TBC1D31: variants seen among roughly 807,000 people sequenced by gnomAD.
TBC1D31 encodes the protein WD repeat domain 67.
TBC1D31 carries 99 observed loss-of-function variants against 132.9 expected under a neutral mutation model. The observed-to-expected ratio is 0.74, with a 90% confidence interval of 0.63 to 0.88. The LOEUF (loss-of-function observed/expected upper bound fraction) is 0.88. Among genes scored for constraint, TBC1D31 ranks in the 40% least tolerant of loss-of-function variants. TBC1D31 has a pLI of 0.00. For missense variants in TBC1D31, 1,134 were observed against 1,256.6 expected (o/e 0.90, Z 1.48); for synonymous variants, 385 against 419.4 (o/e 0.92, Z 1.00).
chr8:123,142,066 G>A (rs887288467), intron 18 of TBC1D31, among the ~76,000 whole-genome samples, 196 bp from the exon 19 acceptor site: 5 of 151,944 alleles, frequency 3.3e-5, no homozygotes, highest in South Asian at 2.1e-4. Flanking sequence ...CTGGTACCCC[G>A]CTGTCCAGTG....
intron 17 of TBC1D31, 114 bp downstream of exon 17, chr8:123,134,320 TA>T (rs1820888792): frequency 2.6e-6 from 2 of 773,890 alleles, no homozygotes; most frequent in African/African-American, 3.5e-5. Flanking sequence ...TCACTTGAGC[TA>T]AGGAATTCCA....
At chr8:123,122,629 C>A (rs905567992) in intron 11 of TBC1D31, among the ~76,000 whole-genome samples, 12 of 152,112 alleles carry the variant, frequency 7.9e-5, no homozygotes, top group Non-Finnish European at 1.0e-4. Context: ...TGAATGGGAT[C>A]ATTGTATAAC....
rs774997949 is a variant in TBC1D31, at chr8:123,129,221, A to G, written c.2270+3A>G. 9.7e-6 allele frequency: 15 copies of G among 1,540,040 alleles called. No individual in the cohort carries two copies. The highest frequency in any genetic ancestry group is 2.3e-5 in the East Asian group (1 of 43,484). On this transcript the variant is annotated splice_donor_region_variant and intron_variant, in intron 15 of 21. Transcript: ENST00000287380. ...AAAATGATACAACAAAGACAGAGGT[A>G]TGTGTTATCACTTTAAAAAAAAATC...
chr8:123,143,985 G>A (rs1015087094), intron 19 of TBC1D31, among the ~76,000 whole-genome samples: 4 of 152,138 alleles, frequency 2.6e-5, no homozygotes, highest in African/African-American at 9.7e-5. Context: ...GCGTGGCCTT[G>A]GGAAATTGCT....
At chr8:123,111,476 G>A (rs902659059) in intron 10 of TBC1D31, among the ~76,000 whole-genome samples, 10 of 152,250 alleles carry the variant, frequency 6.6e-5, no homozygotes, top group African/African-American at 2.4e-4. Context: ...TATTGATTAT[G>A]AACTCAGATT....
At chr8:123,130,088 A>G in intron 15 of TBC1D31, 110 bp from the exon 16 acceptor site, 3 of 1,090,782 alleles carry the variant, frequency 2.8e-6, no homozygotes, top group Non-Finnish European at 3.9e-6. Context: ...TCTTTCAAAT[A>G]AAGGATATCA....
chr8:123,130,099 A>G (rs1820463810), intron 15 of TBC1D31, 99 bp from the exon 16 acceptor site: 16 of 1,185,134 alleles, frequency 1.4e-5, no homozygotes, highest in South Asian at 1.8e-5. Context: ...AAGGATATCA[A>G]TTGTATTGAA....
downstream of TBC1D31, among the ~76,000 whole-genome samples, chr8:123,152,869 T>G (rs928603009): frequency 6.6e-6 from 1 of 152,124 alleles, no homozygotes; most frequent in African/African-American, 2.4e-5. Flanking sequence ...AGACTCCATC[T>G]CAAAACAAAA....
chr8:123,151,163 G>A (rs762123509), intron 21 of TBC1D31, among the ~76,000 whole-genome samples: 9 of 123,200 alleles, frequency 7.3e-5, no homozygotes, highest in Non-Finnish European at 1.4e-4. Context: ...AAATACAAAA[G>A]CATGAAAGTT....
At chr8:123,138,364 A>G (rs1821302054) in intron 17 of TBC1D31, among the ~76,000 whole-genome samples, 1 of 145,818 alleles carries the variant, frequency 6.9e-6, no homozygotes. Context: ...CATATAATTG[A>G]AAGATATTTT....
chr8:123,162,733 C>T, the TBC1D31 span, among the ~76,000 whole-genome samples: 14 of 152,316 alleles, frequency 9.2e-5, no homozygotes, highest in East Asian at 1.2e-3. Context: ...ATAAAATATA[C>T]GCATACAGCC....
intron 4 of TBC1D31, among the ~76,000 whole-genome samples, chr8:123,085,704 G>A (rs543999933): frequency 1.5e-4 from 23 of 152,206 alleles, no homozygotes; most frequent in Non-Finnish European, 2.4e-4. Flanking sequence ...CCACCGCGCC[G>A]GGCCCCACTC....
At chr8:123,148,575 A>G (rs965277686) in intron 20 of TBC1D31, among the ~76,000 whole-genome samples, 2 of 152,128 alleles carry the variant, frequency 1.3e-5, no homozygotes, top group African/African-American at 4.8e-5. Flanking sequence ...GCCTCTAAAA[A>G]ATAAAGAAAC....
At chr8:123,152,530 C>T (rs7010996), downstream of TBC1D31, among the ~76,000 whole-genome samples, 2 of 152,228 alleles carry the variant, frequency 1.3e-5, no homozygotes, top group African/African-American at 4.8e-5. Context: ...ACTTCCTGAA[C>T]CTTACTCTCT....
At chr8:123,130,368 C>T in intron 16 of TBC1D31, 35 bp downstream of exon 16, 1 of 1,571,774 alleles carries the variant, frequency 6.4e-7, no homozygotes, top group Non-Finnish European at 8.7e-7. Context: ...CATACATCAT[C>T]TCCATTTACT....
At chr8:123,103,238 A>T (rs1817617496) in intron 7 of TBC1D31, 1 of 152,144 alleles carries the variant, frequency 6.6e-6, no homozygotes, top group Non-Finnish European at 1.5e-5. Flanking sequence ...CTTGTCTCTA[A>T]ACATATGGGA....
chr8:123,162,235 C>T, the TBC1D31 span, among the ~76,000 whole-genome samples: 1 of 152,034 alleles, frequency 6.6e-6, no homozygotes, highest in African/African-American at 2.4e-5. Context: ...TCATTGATCA[C>T]CTAGCATGCC....
At chr8:123,140,692 G>T in intron 17 of TBC1D31, 69 bp from the exon 18 acceptor site, 2 of 1,338,566 alleles carry the variant, frequency 1.5e-6, no homozygotes, top group Non-Finnish European at 2.1e-6. Flanking sequence ...TTACTATTCT[G>T]AAAAAAGTCA....
chr8:123,151,213 A>C (rs1392411189), intron 21 of TBC1D31, among the ~76,000 whole-genome samples: 1 of 152,208 alleles, frequency 6.6e-6, no homozygotes, highest in Non-Finnish European at 1.5e-5. Flanking sequence ...CAGAAATTGA[A>C]GCTGACTGAC....
Sources: gnomAD v4.1 joint callset for allele counts (sites outside exome capture counted in the v4.1 genomes callset) on GRCh38, gnomAD v4.1.1 for gene constraint, MANE v1.5 for transcripts, NCBI Gene and HGNC (gene_info 2026-07-23, HGNC 2026-07-21) for gene names.